SYNPR: variants seen among roughly 807,000 people sequenced by gnomAD.
SYNPR encodes the protein synaptoporin.
Under a neutral mutation model 32.9 loss-of-function variants are expected in SYNPR, and 23 were observed. The ratio of observed to expected loss-of-function variants is 0.70; its 90% CI spans 0.50 to 0.99. The LOEUF is 0.99. SYNPR is among the 50% of genes least tolerant of loss of function. The pLI, the probability that SYNPR is intolerant of heterozygous loss-of-function variation, is 0.00. For synonymous variants in SYNPR, 146 were observed against 135.9 expected (o/e 1.07, Z -0.52); for missense variants, 318 against 349.3 (o/e 0.91, Z 0.71).
At chr3:63,415,361 C>A (rs1343940210) in intron 2 of SYNPR, among the ~76,000 whole-genome samples, 3 of 150,934 alleles carry the variant, frequency 2.0e-5, no homozygotes, top group Admixed American at 2.0e-4. Flanking sequence ...CAGAGACTGG[C>A]AAATCTGGCC....
intron 1 of SYNPR, among the ~76,000 whole-genome samples, chr3:63,232,356 C>T (rs1017131081): frequency 6.6e-6 from 1 of 151,838 alleles, no homozygotes; most frequent in African/African-American, 2.4e-5. Context: ...TATGCACCAC[C>T]AGGCCCGGTG....
chr3:63,361,249 G>T (rs1397411137), intron 2 of SYNPR, among the ~76,000 whole-genome samples: 1 of 152,068 alleles, frequency 6.6e-6, no homozygotes, highest in Non-Finnish European at 1.5e-5. Flanking sequence ...TGAAGGAATT[G>T]TGGTTCCCTG....
chr3:63,496,972 A>G (rs1701386042), intron 3 of SYNPR, among the ~76,000 whole-genome samples: 1 of 152,148 alleles, frequency 6.6e-6, no homozygotes, highest in Admixed American at 6.6e-5. Context: ...CTTTTTAAGA[A>G]TAGCTTGATA....
At chr3:63,259,217 T>C (rs2086416181) in intron 2 of SYNPR, among the ~76,000 whole-genome samples, 2 of 152,206 alleles carry the variant, frequency 1.3e-5, no homozygotes, top group African/African-American at 4.8e-5. Context: ...CCCTAACTCA[T>C]TTTATGAGGC....
At chr3:63,521,752 G>T (rs1394898) in intron 3 of SYNPR, among the ~76,000 whole-genome samples, 84,706 of 151,964 alleles carry the variant, frequency 0.56, 23,707 homozygotes, top group South Asian at 0.69. Context: ...CAGGGCCCTT[G>T]CAGGAAACAC....
chr3:63,331,460 T>C (rs771307516), intron 2 of SYNPR, among the ~76,000 whole-genome samples: 1 of 152,170 alleles, frequency 6.6e-6, no homozygotes, highest in African/African-American at 2.4e-5. Flanking sequence ...AACCATTTGG[T>C]TTGTTCTGTT....
chr3:63,530,857 G>C lies in SYNPR; in HGVS notation c.210-25686G>C, dbSNP rs75565737. On this transcript the variant is annotated intron_variant, in intron 3 of 5. Transcript: ENST00000478300. ...AGTCAGCTAGCTAAATGGCAAAGCA[G>C]AGTGCCAGTATAAACAAATTGCCTT... is the stretch of plus-strand genomic sequence containing the variant. Among the ~76,000 whole-genome samples the C allele has an allele frequency of 6.3e-3, 962 of 152,266 alleles. 7 individuals carry two copies. Among genetic ancestry groups the C allele is most frequent in the Middle Eastern group, 0.034 (10 of 294 alleles).
intron 3 of SYNPR, among the ~76,000 whole-genome samples, chr3:63,271,742 A>T (rs2086536708): frequency 6.6e-6 from 1 of 152,036 alleles, no homozygotes; most frequent in Non-Finnish European, 1.5e-5. Context: ...TCAGGGAAAT[A>T]AAAAAATATG....
chr3:63,531,075 C>T (rs1702104759), intron 3 of SYNPR, among the ~76,000 whole-genome samples: 1 of 152,104 alleles, frequency 6.6e-6, no homozygotes, highest in South Asian at 2.1e-4. Context: ...GAAAGCCCTA[C>T]AGAGCCCAAA....
chr3:63,288,915 G>A (rs2086712128), intron 2 of SYNPR, among the ~76,000 whole-genome samples: 1 of 152,152 alleles, frequency 6.6e-6, no homozygotes, highest in Non-Finnish European at 1.5e-5. Flanking sequence ...GGAACTTAAA[G>A]AAGCATCAGT....
At chr3:63,544,244 T>G (rs1412706985) in intron 3 of SYNPR, among the ~76,000 whole-genome samples, 1 of 152,132 alleles carries the variant, frequency 6.6e-6, no homozygotes, top group Non-Finnish European at 1.5e-5. Flanking sequence ...TTATATGTGC[T>G]GACGATAAAG....
At chr3:63,545,617 A>G (rs1702387543) in intron 3 of SYNPR, 1 of 152,124 alleles carries the variant, frequency 6.6e-6, no homozygotes, top group Admixed American at 6.6e-5. Context: ...AAAAAAAATA[A>G]GGCAGATCCT....
chr3:63,604,738 A>T (rs1700093856), intron 4 of SYNPR, among the ~76,000 whole-genome samples: 1 of 152,120 alleles, frequency 6.6e-6, no homozygotes, highest in South Asian at 2.1e-4. Context: ...TTTACTGAGG[A>T]TGGTAAAAAT....
intron 2 of SYNPR, among the ~76,000 whole-genome samples, chr3:63,339,956 C>T (rs2087343106): frequency 6.6e-6 from 1 of 152,212 alleles, no homozygotes; most frequent in South Asian, 2.1e-4. Context: ...CATGCCAAGC[C>T]TACCTTTTTA....
At chr3:63,211,330 C>G in the SYNPR span, among the ~76,000 whole-genome samples, 117,363 of 152,202 alleles carry the variant, frequency 0.77, 45,730 homozygotes, top group Middle Eastern at 0.87. Flanking sequence ...GCCTCCCAAA[C>G]TGCTGGGATT....
intron 3 of SYNPR, among the ~76,000 whole-genome samples, chr3:63,491,246 A>G (rs1010255040): frequency 6.6e-6 from 1 of 152,194 alleles, no homozygotes; most frequent in Non-Finnish European, 1.5e-5. Context: ...TCATTGCCCA[A>G]ATCGGTAGGG....
intron 2 of SYNPR, among the ~76,000 whole-genome samples, chr3:63,475,081 A>G (rs1332830349): frequency 6.6e-6 from 1 of 152,188 alleles, no homozygotes; most frequent in Admixed American, 6.5e-5. Context: ...AACTGCAAAG[A>G]TATCGTTACT....
At chr3:63,589,635 G>A (rs1455051592) in intron 4 of SYNPR, among the ~76,000 whole-genome samples, 1 of 151,202 alleles carries the variant, frequency 6.6e-6, no homozygotes. Flanking sequence ...TCCCTGGGAT[G>A]CAAGGCTGGT....
At chr3:63,233,791 T>C (rs1043664282) in intron 1 of SYNPR, among the ~76,000 whole-genome samples, 1 of 152,214 alleles carries the variant, frequency 6.6e-6, no homozygotes, top group Admixed American at 6.5e-5. Flanking sequence ...CCTGTATAGA[T>C]ATGCAATCCA....
Sources: gnomAD v4.1 joint callset for allele counts (sites outside exome capture counted in the v4.1 genomes callset) on GRCh38, gnomAD v4.1.1 for gene constraint, MANE v1.5 for transcripts, NCBI Gene and HGNC (gene_info 2026-07-23, HGNC 2026-07-21) for gene names.